Variants in SLIT3 observed in about 807,000 individuals in gnomAD.
The protein encoded by SLIT3 is slit guidance ligand 3.
A neutral mutation model predicts 184.0 loss-of-function variants in SLIT3; 68 were observed. The observed-to-expected ratio is 0.37, with a 90% confidence interval of 0.30 to 0.45. SLIT3 has a LOEUF of 0.45. Ranked by LOEUF, SLIT3 falls within the 20% of genes least tolerant of loss-of-function variation. The pLI is 1.00. For missense variants in SLIT3, 1,707 were observed against 2,026.0 expected, an observed-to-expected ratio of 0.84 and a Z score of 3.02; for synonymous variants, 831 against 828.6, an observed-to-expected ratio of 1.00 and a Z score of -0.05.
At chr5:169,034,606 GCC>G (rs1167762172) in intron 4 of SLIT3, among the ~76,000 whole-genome samples, 1 of 152,010 alleles carries the variant, frequency 6.6e-6, no homozygotes, top group East Asian at 1.9e-4. Context: ...AATTAACATG[GCC>G]TTCCACTGGC....
At chr5:168,868,980 G>A (rs73310252) in intron 5 of SLIT3, among the ~76,000 whole-genome samples, 2,034 of 152,156 alleles carry the variant, frequency 0.013, 39 homozygotes, top group African/African-American at 0.046. Context: ...GGACTCCCTA[G>A]AAGCTTGCAG....
At chr5:168,964,089 A>C (rs1486684449) in intron 4 of SLIT3, among the ~76,000 whole-genome samples, 2 of 152,238 alleles carry the variant, frequency 1.3e-5, no homozygotes, top group African/African-American at 2.4e-5. Context: ...AAATAAAATA[A>C]AATAATTTAC....
chr5:168,674,245 G>C (rs1340843955), intron 32 of SLIT3, among the ~76,000 whole-genome samples: 1 of 152,106 alleles, frequency 6.6e-6, no homozygotes, highest in East Asian at 1.9e-4. Flanking sequence ...GGGAGGCTAA[G>C]GAATTTACCT....
In SLIT3 at chr5:169,300,369, G is replaced by T; in HGVS notation, c.197+144C>A. ...ACCAAGCCTACAGACCCCCAGCTCG[G>T]AGAGTGAGGGATCGTATCCAGGAAG... On this transcript the variant is annotated intron_variant, in intron 1 of 35. Transcript: ENST00000519560. This position sits in a 1 kb window ranked among gnomAD's most constrained non-coding sequence, Gnocchi z 4.1. 9.0e-7 allele frequency: 1 copy of T among 1,111,772 alleles called. No individual in the cohort carries two copies. The highest frequency in any genetic ancestry group is 1.2e-6 in the Non-Finnish European group (1 of 848,458). 68.9% of individuals were successfully genotyped at this position (1,111,772 alleles called of 1,614,324 possible). A position where few individuals can be genotyped will look rare whatever the true frequency, so the allele number is the denominator to read the frequency against.
chr5:169,191,345 T>TC (rs1446383063), intron 4 of SLIT3, among the ~76,000 whole-genome samples: 1 of 152,170 alleles, frequency 6.6e-6, no homozygotes, highest in Non-Finnish European at 1.5e-5. Flanking sequence ...CAAATACCAT[T>TC]CCTGCCTTCC....
At chr5:169,106,598 C>T (rs1304345822) in intron 4 of SLIT3, among the ~76,000 whole-genome samples, 5 of 152,182 alleles carry the variant, frequency 3.3e-5, no homozygotes, top group East Asian at 1.9e-4. Flanking sequence ...TCACCATCTC[C>T]GACATCCTCC....
intron 27 of SLIT3, 142 bp from the exon 28 acceptor site, chr5:168,696,573 T>G: frequency 1.1e-6 from 1 of 896,586 alleles, no homozygotes; most frequent in East Asian, 2.6e-5. Context: ...TTTGGACACA[T>G]GAGGCCTTGG....
At chr5:169,133,296 G>A (rs2042153) in intron 4 of SLIT3, among the ~76,000 whole-genome samples, 20,090 of 152,254 alleles carry the variant, frequency 0.13, 1,435 homozygotes, top group South Asian at 0.27. Context: ...AATGCACTCT[G>A]TGAAGGACAT....
chr5:169,107,336 C>A (rs1760249431), intron 4 of SLIT3, among the ~76,000 whole-genome samples: 1 of 152,272 alleles, frequency 6.6e-6, no homozygotes, highest in East Asian at 1.9e-4. Flanking sequence ...ATTTTATAGA[C>A]CCTGATGCAT....
intron 3 of SLIT3, among the ~76,000 whole-genome samples, chr5:169,209,058 T>A (rs1764166859): frequency 6.6e-6 from 1 of 151,462 alleles, no homozygotes; most frequent in Admixed American, 6.6e-5. Context: ...TCTATCCATC[T>A]GACAAAGGGC....
chr5:168,877,316 G>A (rs543736017), intron 5 of SLIT3, among the ~76,000 whole-genome samples: 1 of 152,246 alleles, frequency 6.6e-6, no homozygotes, highest in Non-Finnish European at 1.5e-5. Flanking sequence ...GAGGTCTGAG[G>A]GTGTAGCATC....
intron 4 of SLIT3, among the ~76,000 whole-genome samples, chr5:168,905,539 T>C (rs775180348): frequency 5.9e-5 from 9 of 152,108 alleles, no homozygotes; most frequent in Non-Finnish European, 8.8e-5. Flanking sequence ...ATGGTTCAGG[T>C]CTGTACACAG....
chr5:168,985,386 C>T (rs62378595), intron 4 of SLIT3, among the ~76,000 whole-genome samples: 3,566 of 152,222 alleles, frequency 0.023, 58 homozygotes, highest in Non-Finnish European at 0.035. Context: ...TCTGAACTGC[C>T]GTGGAGCAAA....
At chr5:168,725,677 C>T (rs1763086883) in intron 20 of SLIT3, among the ~76,000 whole-genome samples, 1 of 152,206 alleles carries the variant, frequency 6.6e-6, no homozygotes, top group Non-Finnish European at 1.5e-5. Context: ...CAGATTCTGA[C>T]CCTAGGTCTG....
intron 8 of SLIT3, among the ~76,000 whole-genome samples, chr5:168,815,255 A>C (rs1338191944): frequency 2.0e-5 from 3 of 152,126 alleles, no homozygotes; most frequent in Non-Finnish European, 4.4e-5. Flanking sequence ...ATTCAGATTT[A>C]ATGGACTTTG....
chr5:168,937,515 G>A (rs1235731565), intron 4 of SLIT3, among the ~76,000 whole-genome samples: 2 of 152,116 alleles, frequency 1.3e-5, no homozygotes, highest in Admixed American at 6.6e-5. Context: ...ACACCTAGCA[G>A]GTCCAGTCAA....
intron 4 of SLIT3, among the ~76,000 whole-genome samples, chr5:168,931,439 CAGGGGTGAGCAAA>C (rs1761984263): frequency 6.6e-6 from 1 of 152,148 alleles, no homozygotes; most frequent in South Asian, 2.1e-4. Context: ...TCTGGGGATT[CAGGGGTGAGCAAA>C]AGAGAGACAT....
intron 4 of SLIT3, among the ~76,000 whole-genome samples, chr5:168,984,373 C>A (rs1435879378): frequency 6.6e-6 from 1 of 152,142 alleles, no homozygotes; most frequent in East Asian, 1.9e-4. Context: ...TCTGCATTTC[C>A]TAAATGAGAA....
chr5:168,966,653 CT>C (rs1763206638), intron 4 of SLIT3, among the ~76,000 whole-genome samples: 1 of 152,172 alleles, frequency 6.6e-6, no homozygotes, highest in Admixed American at 6.5e-5. Context: ...TTGCTTGATT[CT>C]GCAAAACCTA....
Sources: allele counts gnomAD v4.1 joint callset (sites outside exome capture counted in the v4.1 genomes callset), GRCh38; gene constraint gnomAD v4.1.1; non-coding constraint Gnocchi (gnomAD v3.1); transcripts MANE v1.5; gene names NCBI Gene and HGNC (gene_info 2026-07-23, HGNC 2026-07-21).